The following DLG2 variants were observed in gnomAD, a reference collection of about 807,000 sequenced individuals.
DLG2 encodes the protein discs large MAGUK scaffold protein 2.
DLG2 carries 45 observed loss-of-function variants against 132.5 expected under a neutral mutation model. That is an observed-to-expected ratio of 0.34 (90% CI 0.27 to 0.44). DLG2 has a LOEUF of 0.44. Ranked by LOEUF, DLG2 falls within the 20% of genes least tolerant of loss-of-function variation. The pLI, the probability that DLG2 is intolerant of heterozygous loss-of-function variation, is 1.00. For synonymous variants in DLG2, 424 were observed against 419.6 expected (o/e 1.01, Z -0.13); for missense variants, 1,045 against 1,196.9 (o/e 0.87, Z 1.87).
At chr11:83,925,395 G>A (rs868548266) in intron 15 of DLG2, among the ~76,000 whole-genome samples, 1 of 152,192 alleles carries the variant, frequency 6.6e-6, no homozygotes, top group South Asian at 2.1e-4. Flanking sequence ...ACTCTGTTAA[G>A]TTTAATTTCT....
At chr11:83,559,424 GAGATTCAA>G (rs1423833003) in intron 19 of DLG2, among the ~76,000 whole-genome samples, 1 of 152,126 alleles carries the variant, frequency 6.6e-6, no homozygotes, top group Admixed American at 6.5e-5. Flanking sequence ...CTTTATGCAT[GAGATTCAA>G]TGAAGGTACT....
intron 6 of DLG2, among the ~76,000 whole-genome samples, chr11:84,762,986 A>G (rs2067854732): frequency 6.6e-6 from 1 of 152,146 alleles, no homozygotes; most frequent in South Asian, 2.1e-4. Flanking sequence ...TTTTATAACA[A>G]TTCTCCTTGC....
chr11:84,526,109 T>A (rs1258913203), intron 7 of DLG2, among the ~76,000 whole-genome samples: 6 of 152,208 alleles, frequency 3.9e-5, no homozygotes, highest in Non-Finnish European at 8.8e-5. Flanking sequence ...TATAATTTTA[T>A]ATTAAAGAAA....
At chr11:84,492,774 C>T (rs1010909953) in intron 7 of DLG2, among the ~76,000 whole-genome samples, 6 of 152,042 alleles carry the variant, frequency 3.9e-5, no homozygotes, top group African/African-American at 1.4e-4. Context: ...AGAAGTGTAG[C>T]AGGCTTGGAA....
At chr11:85,571,298 G>A (rs569753761) in intron 3 of DLG2, among the ~76,000 whole-genome samples, 83 of 152,190 alleles carry the variant, frequency 5.5e-4, no homozygotes, top group African/African-American at 1.7e-3. Flanking sequence ...TTGTGTATTT[G>A]TTTAGTAACC....
At chr11:84,894,816 TCTC>T (rs2089963413) in intron 6 of DLG2, among the ~76,000 whole-genome samples, 1 of 152,082 alleles carries the variant, frequency 6.6e-6, no homozygotes, top group African/African-American at 2.4e-5. Context: ...CTAAGACCAA[TCTC>T]CTGCCTCTGG....
intron 6 of DLG2, among the ~76,000 whole-genome samples, chr11:84,813,843 C>T (rs1213421297): frequency 3.1e-5 from 4 of 130,618 alleles, no homozygotes; most frequent in Non-Finnish European, 6.8e-5. Flanking sequence ...TTCTCAGTAC[C>T]CCAGTGTTAA....
At chr11:83,527,547 C>T (rs1238790053) in intron 21 of DLG2, among the ~76,000 whole-genome samples, 1 of 144,494 alleles carries the variant, frequency 6.9e-6, no homozygotes, top group African/African-American at 2.6e-5. Flanking sequence ...CTTGTCTCTA[C>T]AATTTTTTTT....
At chr11:85,612,716 G>A (rs574924559) in intron 2 of DLG2, among the ~76,000 whole-genome samples, 2 of 152,178 alleles carry the variant, frequency 1.3e-5, no homozygotes, top group African/African-American at 4.8e-5. Flanking sequence ...ACCCCTCAAA[G>A]CTCAAGTCCA....
At chr11:83,934,042 TA>T (rs2080932653) in intron 14 of DLG2, among the ~76,000 whole-genome samples, 2 of 152,226 alleles carry the variant, frequency 1.3e-5, no homozygotes, top group African/African-American at 4.8e-5. Flanking sequence ...GAGTCTAGAA[TA>T]ACTGTCTGGG....
intron 6 of DLG2, among the ~76,000 whole-genome samples, chr11:84,695,937 T>C (rs1204542776): frequency 2.6e-5 from 4 of 151,438 alleles, no homozygotes; most frequent in Non-Finnish European, 5.9e-5. Context: ...GCTCCATAAA[T>C]ACTGCTAAAA....
At chr11:84,577,200 C>T (rs944668985) in intron 6 of DLG2, among the ~76,000 whole-genome samples, 5 of 152,096 alleles carry the variant, frequency 3.3e-5, no homozygotes, top group Admixed American at 6.5e-5. Context: ...CTTTTTGTTC[C>T]CAGTTTGGGG....
chr11:84,963,372 G>A (rs2052866322), intron 6 of DLG2, among the ~76,000 whole-genome samples: 1 of 152,090 alleles, frequency 6.6e-6, no homozygotes, highest in Admixed American at 6.5e-5. Context: ...TTTGCCCAAG[G>A]CCTCATCAGA....
At chr11:83,831,714 T>C (rs1370789085) in intron 17 of DLG2, among the ~76,000 whole-genome samples, 1 of 152,230 alleles carries the variant, frequency 6.6e-6, no homozygotes, top group East Asian at 1.9e-4. Context: ...TGTTTAGTTA[T>C]GAACTATGAA....
At chr11:84,454,958 C>T (rs2154482394) in intron 7 of DLG2, among the ~76,000 whole-genome samples, 1 of 151,334 alleles carries the variant, frequency 6.6e-6, no homozygotes, top group South Asian at 2.1e-4. Context: ...TCAGATTGCA[C>T]TTGAAATATG....
intron 6 of DLG2, among the ~76,000 whole-genome samples, chr11:84,697,248 T>C (rs1014583368): frequency 1.3e-5 from 2 of 151,474 alleles, no homozygotes; most frequent in Admixed American, 1.3e-4. Context: ...TGTTTGACTA[T>C]AGCTAGATTC....
At chr11:83,867,766 G>C (rs1022860523) in intron 16 of DLG2, among the ~76,000 whole-genome samples, 4 of 152,192 alleles carry the variant, frequency 2.6e-5, no homozygotes, top group Non-Finnish European at 4.4e-5. Context: ...GTCCCTGTGA[G>C]AGAATTAGAA....
chr11:83,587,509 A>G (rs971948908), intron 19 of DLG2, among the ~76,000 whole-genome samples: 2 of 152,174 alleles, frequency 1.3e-5, no homozygotes, highest in Admixed American at 1.3e-4. Context: ...GAGCTCAAAC[A>G]ATCTGTTCTC....
chr11:84,415,916 A>G (rs1029373546), intron 7 of DLG2, among the ~76,000 whole-genome samples: 4 of 152,190 alleles, frequency 2.6e-5, no homozygotes, highest in Admixed American at 6.5e-5. Flanking sequence ...GGTGCCACGT[A>G]TCATAAGCCA....
Sources: allele counts gnomAD v4.1 joint callset (sites outside exome capture counted in the v4.1 genomes callset), GRCh38; gene constraint gnomAD v4.1.1; transcripts MANE v1.5; gene names NCBI Gene and HGNC (gene_info 2026-07-23, HGNC 2026-07-21).